Variants in TMTC2 observed in about 807,000 individuals in gnomAD.
TMTC2 encodes the protein transmembrane O-mannosyltransferase targeting cadherins 2, also known as protein O-mannosyl-transferase TMTC2.
A neutral mutation model predicts 82.4 loss-of-function variants in TMTC2; 43 were observed. The ratio of observed to expected loss-of-function variants is 0.52; its 90% CI spans 0.41 to 0.67. TMTC2 has a LOEUF of 0.67. Ranked by LOEUF, TMTC2 falls within the 30% of genes least tolerant of loss-of-function variation. TMTC2 has a pLI of 0.00. For synonymous variants in TMTC2, 408 were observed against 381.9 expected, an observed-to-expected ratio of 1.07 and a Z score of -0.80; for missense variants, 919 against 1,012.4, an observed-to-expected ratio of 0.91 and a Z score of 1.25.
chr12:82,805,534 G>T (rs908783461), intron 1 of TMTC2, among the ~76,000 whole-genome samples: 1 of 112,018 alleles, frequency 8.9e-6, no homozygotes, highest in Non-Finnish European at 1.7e-5. Context: ...TTGAGACAGA[G>T]TCTTGCTCTG....
chr12:82,997,615 A>G (rs939015399), intron 8 of TMTC2, among the ~76,000 whole-genome samples: 1 of 151,154 alleles, frequency 6.6e-6, no homozygotes, highest in African/African-American at 2.4e-5. Context: ...GAAGAATTTC[A>G]AATATGCTGA....
At chr12:82,962,581 T>G (rs1218834032) in intron 4 of TMTC2, among the ~76,000 whole-genome samples, 4 of 152,048 alleles carry the variant, frequency 2.6e-5, no homozygotes, top group Non-Finnish European at 4.4e-5. Context: ...TTTTTCCCTA[T>G]TTTATTTATT....
chr12:82,984,037 T>C (rs1297713908), intron 7 of TMTC2, among the ~76,000 whole-genome samples: 1 of 152,020 alleles, frequency 6.6e-6, no homozygotes, highest in East Asian at 1.9e-4. Context: ...AACAAAATTA[T>C]TATAGAAATT....
intron 1 of TMTC2, among the ~76,000 whole-genome samples, chr12:82,816,214 A>G (rs1868710188): frequency 6.6e-6 from 1 of 151,184 alleles, no homozygotes; most frequent in African/African-American, 2.4e-5. Context: ...AGAATGCTCT[A>G]AATAGTTCTC....
chr12:82,960,760 A>G (rs1329528435), intron 4 of TMTC2, among the ~76,000 whole-genome samples: 1 of 151,824 alleles, frequency 6.6e-6, no homozygotes, highest in Non-Finnish European at 1.5e-5. Context: ...CATGTAAGAA[A>G]CCTGTACATG....
chr12:82,725,858 A>G (rs755477350), intron 1 of TMTC2, among the ~76,000 whole-genome samples: 4 of 152,236 alleles, frequency 2.6e-5, no homozygotes, highest in African/African-American at 4.8e-5. Flanking sequence ...TCGGATTAAG[A>G]TAAAAGACTG....
intron 1 of TMTC2, among the ~76,000 whole-genome samples, chr12:82,811,661 A>T (rs887521792): frequency 6.6e-6 from 1 of 151,956 alleles, no homozygotes; most frequent in Non-Finnish European, 1.5e-5. Flanking sequence ...AATTACAATG[A>T]TAAGAGCTGG....
chr12:83,034,072 T>C (rs1261673581), intron 9 of TMTC2, among the ~76,000 whole-genome samples: 5 of 151,838 alleles, frequency 3.3e-5, no homozygotes, highest in Non-Finnish European at 7.4e-5. Flanking sequence ...TTAAAGTTCA[T>C]AGAGAATGTT....
chr12:82,698,335 T>C (rs1872915429), intron 1 of TMTC2, among the ~76,000 whole-genome samples: 1 of 152,192 alleles, frequency 6.6e-6, no homozygotes, highest in Non-Finnish European at 1.5e-5. Context: ...CTTGAGCTGC[T>C]CAGCTCTCAT....
At chr12:82,951,829 G>T (rs1292827114) in intron 4 of TMTC2, among the ~76,000 whole-genome samples, 1 of 152,038 alleles carries the variant, frequency 6.6e-6, no homozygotes, top group Non-Finnish European at 1.5e-5. Context: ...CTCTATTAGT[G>T]CTTTTCTATC....
rs1333489107 is a variant in TMTC2 at position 82,961,797 on chromosome 12, A to C, written c.1599-3227A>C. Among the ~76,000 whole-genome samples the C allele has an allele frequency of 3.3e-5, 5 of 151,782 alleles. No homozygotes were observed. In the East Asian group the frequency reaches 9.7e-4, roughly 29 times the overall value. ...AATTTTCTACACCATTTGTTTTCTT[A>C]TTTGTCTCCCTCAGTAGATTTTGCA... is the stretch of plus-strand genomic sequence containing the variant. On this transcript the variant is annotated intron_variant, in intron 4 of 11. Coordinates refer to ENST00000321196, the MANE Select transcript of TMTC2 (RefSeq NM_152588.3).
At chr12:83,041,060 C>T (rs1881876487) in intron 9 of TMTC2, among the ~76,000 whole-genome samples, 1 of 151,422 alleles carries the variant, frequency 6.6e-6, no homozygotes. Flanking sequence ...TCCCTTTTCT[C>T]ATCTGTGCCC....
At chr12:82,931,725 A>T (rs74607751) in intron 4 of TMTC2, among the ~76,000 whole-genome samples, 1 of 152,134 alleles carries the variant, frequency 6.6e-6, no homozygotes, top group South Asian at 2.1e-4. Context: ...GTGGTACTCT[A>T]TAACAATGGG....
At chr12:83,052,196 T>C (rs892895161) in intron 10 of TMTC2, among the ~76,000 whole-genome samples, 4 of 152,124 alleles carry the variant, frequency 2.6e-5, no homozygotes, top group Non-Finnish European at 5.9e-5. Flanking sequence ...TGACATCCAA[T>C]TTTTAAAATG....
At chr12:82,793,920 C>A (rs143694962) in intron 1 of TMTC2, among the ~76,000 whole-genome samples, 1 of 152,106 alleles carries the variant, frequency 6.6e-6, no homozygotes, top group East Asian at 1.9e-4. Flanking sequence ...ACTGTATATG[C>A]GACTTGGGAA....
intron 11 of TMTC2, among the ~76,000 whole-genome samples, chr12:83,102,271 A>G (rs1277919286): frequency 6.6e-6 from 1 of 152,214 alleles, no homozygotes; most frequent in African/African-American, 2.4e-5. Context: ...TAGTCTTTCT[A>G]TAAGTGAAGA....
At chr12:82,806,159 T>C (rs1240231487) in intron 1 of TMTC2, among the ~76,000 whole-genome samples, 1 of 152,116 alleles carries the variant, frequency 6.6e-6, no homozygotes, top group African/African-American at 2.4e-5. Flanking sequence ...AGTTAAACAT[T>C]GTTAGATGGC....
intron 11 of TMTC2, among the ~76,000 whole-genome samples, chr12:83,127,237 T>A (rs1885124103): frequency 6.6e-6 from 1 of 152,172 alleles, no homozygotes; most frequent in South Asian, 2.1e-4. Flanking sequence ...CTTCAGTCAC[T>A]CTTTTTAAAA....
intron 11 of TMTC2, among the ~76,000 whole-genome samples, chr12:83,095,605 C>G (rs1414123817): frequency 6.6e-6 from 1 of 152,062 alleles, no homozygotes; most frequent in African/African-American, 2.4e-5. Flanking sequence ...GGGAAAGACT[C>G]TCAAGGAGCA....
Sources: allele counts gnomAD v4.1 joint callset (sites outside exome capture counted in the v4.1 genomes callset), GRCh38; gene constraint gnomAD v4.1.1; transcripts MANE v1.5; gene names NCBI Gene and HGNC (gene_info 2026-07-23, HGNC 2026-07-21).